ENTREP2: variants seen among roughly 807,000 people sequenced by gnomAD.
ENTREP2 encodes protein ENTREP2.
chr15:29,522,557 A>G, the ENTREP2 span, among the ~76,000 whole-genome samples: 1 of 152,200 alleles, frequency 6.6e-6, no homozygotes, highest in African/African-American at 2.4e-5. Flanking sequence ...AAAATGTCTG[A>G]ATCTCGGTAA....
At chr15:29,236,599 T>C in the ENTREP2 span, among the ~76,000 whole-genome samples, 6 of 152,124 alleles carry the variant, frequency 3.9e-5, no homozygotes, top group Admixed American at 1.3e-4. Context: ...CATTGAGCTA[T>C]GATTGTGCCA....
the ENTREP2 span, chr15:29,252,389 G>T: frequency 1.3e-6 from 2 of 1,550,572 alleles, no homozygotes; most frequent in Non-Finnish European, 1.7e-6. Flanking sequence ...CTTCTAGGGA[G>T]TTGACTAGCT....
chr15:29,388,301 T>C, the ENTREP2 span, among the ~76,000 whole-genome samples: 1 of 152,068 alleles, frequency 6.6e-6, no homozygotes. Context: ...TATCAACAAG[T>C]GGGTGAAGGG....
At chr15:29,123,378 C>T in the ENTREP2 span, 1 of 1,544,122 alleles carries the variant, frequency 6.5e-7, no homozygotes. Flanking sequence ...AGACGGCCTC[C>T]TCCTCGAGGC....
the ENTREP2 span, among the ~76,000 whole-genome samples, chr15:29,325,669 A>C: frequency 6.6e-6 from 1 of 152,158 alleles, no homozygotes; most frequent in Non-Finnish European, 1.5e-5. Flanking sequence ...CCTACTAAAC[A>C]CTGATGGAAA....
the ENTREP2 span, among the ~76,000 whole-genome samples, chr15:29,232,486 T>TGG: frequency 2.0e-5 from 3 of 150,976 alleles, no homozygotes; most frequent in African/African-American, 7.3e-5. Flanking sequence ...TTTAAAGAGA[T>TGG]GGGGGGTCTC....
chr15:29,430,837 G>A, the ENTREP2 span, among the ~76,000 whole-genome samples: 8 of 152,146 alleles, frequency 5.3e-5, no homozygotes, highest in Non-Finnish European at 7.3e-5. Flanking sequence ...TGAGTCGGAT[G>A]GATTGACATA....
At chr15:29,448,322 C>A in the ENTREP2 span, among the ~76,000 whole-genome samples, 1 of 152,062 alleles carries the variant, frequency 6.6e-6, no homozygotes, top group East Asian at 1.9e-4. Flanking sequence ...GAAGACACAC[C>A]ACTGACCTTC....
At chr15:29,188,080 C>G in the ENTREP2 span, among the ~76,000 whole-genome samples, 5 of 152,108 alleles carry the variant, frequency 3.3e-5, no homozygotes, top group Non-Finnish European at 7.3e-5. Context: ...TGAAGCTGGA[C>G]AGCACTCACC....
the ENTREP2 span, among the ~76,000 whole-genome samples, chr15:29,617,091 A>G: frequency 5.3e-5 from 8 of 150,236 alleles, no homozygotes; most frequent in African/African-American, 2.0e-4. Context: ...AATAAATAAG[A>G]TAAGATTTAT....
the ENTREP2 span, among the ~76,000 whole-genome samples, chr15:29,528,659 G>A: frequency 6.6e-6 from 1 of 150,690 alleles, no homozygotes; most frequent in African/African-American, 2.5e-5. Context: ...CAAGTCCAAA[G>A]GTCTCATTAC....
chr15:29,590,892 A>C, the ENTREP2 span, among the ~76,000 whole-genome samples: 2 of 152,104 alleles, frequency 1.3e-5, no homozygotes. Context: ...TTAATATGCA[A>C]ATAATGCCCC....
the ENTREP2 span, among the ~76,000 whole-genome samples, chr15:29,590,340 TGTAA>T: frequency 3.9e-5 from 6 of 152,182 alleles, no homozygotes; most frequent in African/African-American, 1.4e-4. Context: ...CTGGCGCATT[TGTAA>T]GTAAGAGTTC....
the ENTREP2 span, among the ~76,000 whole-genome samples, chr15:29,352,729 C>T: frequency 1.3e-5 from 2 of 152,158 alleles, no homozygotes; most frequent in Admixed American, 6.5e-5. Flanking sequence ...CCAGCCAAAC[C>T]GATACTTTTC....
chr15:29,560,579 G>A, the ENTREP2 span, among the ~76,000 whole-genome samples: 1 of 152,058 alleles, frequency 6.6e-6, no homozygotes, highest in African/African-American at 2.4e-5. Context: ...CATTCCCAGG[G>A]AGCATGGCCA....
chr15:29,467,578 C>T, the ENTREP2 span, among the ~76,000 whole-genome samples: 3 of 152,190 alleles, frequency 2.0e-5, no homozygotes, highest in African/African-American at 7.2e-5. Flanking sequence ...TGTGGTTGGG[C>T]TGTCCTAGTT....
the ENTREP2 span, chr15:29,136,468 G>A: frequency 4.1e-5 from 64 of 1,548,542 alleles, no homozygotes; most frequent in African/African-American, 3.6e-4. Context: ...ACAAAGTGCC[G>A]AATGGAGACG....
the ENTREP2 span, among the ~76,000 whole-genome samples, chr15:29,591,611 A>G: frequency 2.0e-5 from 3 of 152,122 alleles, no homozygotes; most frequent in African/African-American, 7.2e-5. Context: ...TAAAAAGAGA[A>G]GGCTGGGTGC....
chr15:29,128,309 G>C, the ENTREP2 span, among the ~76,000 whole-genome samples: 2 of 152,052 alleles, frequency 1.3e-5, no homozygotes, highest in Admixed American at 1.3e-4. Context: ...TCTGTGTCTG[G>C]GGATTTGACC....
Sources: allele counts gnomAD v4.1 joint callset (sites outside exome capture counted in the v4.1 genomes callset), GRCh38; gene constraint gnomAD v4.1.1; transcripts MANE v1.5; gene names NCBI Gene and HGNC (gene_info 2026-07-23, HGNC 2026-07-21).